RBMS3: variants seen among roughly 807,000 people sequenced by gnomAD.
RBMS3 encodes RNA binding motif single stranded interacting protein 3, also known as RNA-binding motif, single-stranded-interacting protein 3.
RBMS3 carries 27 observed loss-of-function variants against 66.8 expected under a neutral mutation model. That is an observed-to-expected ratio of 0.40 (90% CI 0.30 to 0.56). The LOEUF is 0.56. Among genes scored for constraint, RBMS3 ranks in the 20% least tolerant of loss-of-function variants. RBMS3 has a pLI of 0.40. For synonymous variants in RBMS3, 188 were observed against 183.0 expected (o/e 1.03, Z -0.22); for missense variants, 513 against 549.5 (o/e 0.93, Z 0.66).
chr3:29,283,572 T>G (rs984358044), intron 1 of RBMS3, among the ~76,000 whole-genome samples: 3 of 152,092 alleles, frequency 2.0e-5, no homozygotes, highest in East Asian at 1.9e-4. Flanking sequence ...TGGAGTTCTA[T>G]GTAGTTTAGT....
At chr3:29,749,591 G>T (rs2055080860) in intron 5 of RBMS3, among the ~76,000 whole-genome samples, 1 of 152,116 alleles carries the variant, frequency 6.6e-6, no homozygotes, top group Non-Finnish European at 1.5e-5. Context: ...ATACCTATAT[G>T]AATTGGGTAA....
intron 1 of RBMS3, among the ~76,000 whole-genome samples, chr3:29,323,081 A>G (rs2035103065): frequency 6.6e-6 from 1 of 152,166 alleles, no homozygotes; most frequent in African/African-American, 2.4e-5. Flanking sequence ...TGTTAATGTC[A>G]AGAGCAAATC....
intron 4 of RBMS3, 26 bp from the exon 5 acceptor site, chr3:29,739,694 C>A: frequency 6.4e-7 from 1 of 1,550,568 alleles, no homozygotes; most frequent in Non-Finnish European, 8.7e-7. Context: ...CAGAACTTAC[C>A]ATATTTGTTA....
At chr3:29,429,622 C>A (rs2041104003) in intron 1 of RBMS3, among the ~76,000 whole-genome samples, 1 of 152,156 alleles carries the variant, frequency 6.6e-6, no homozygotes, top group African/African-American at 2.4e-5. Context: ...TCATAGCAAC[C>A]CCTTGCCCTG....
chr3:29,656,085 T>A (rs2050317033), intron 4 of RBMS3, among the ~76,000 whole-genome samples: 1 of 152,184 alleles, frequency 6.6e-6, no homozygotes, highest in South Asian at 2.1e-4. Context: ...TTTTTTTAAT[T>A]AAAAAATTTA....
At chr3:29,742,743 G>A (rs1197944029) in intron 5 of RBMS3, among the ~76,000 whole-genome samples, 1 of 151,922 alleles carries the variant, frequency 6.6e-6, no homozygotes, top group Non-Finnish European at 1.5e-5. Flanking sequence ...CTTTTTCTTT[G>A]TTGGATGGAT....
intron 2 of RBMS3, among the ~76,000 whole-genome samples, chr3:29,447,794 T>C (rs1559369256): frequency 6.6e-6 from 1 of 152,204 alleles, no homozygotes; most frequent in African/African-American, 2.4e-5. Flanking sequence ...AATATACTTC[T>C]AATGTCCTTT....
chr3:29,799,156 A>G (rs894014940), intron 6 of RBMS3, among the ~76,000 whole-genome samples: 1 of 152,170 alleles, frequency 6.6e-6, no homozygotes, highest in Non-Finnish European at 1.5e-5. Flanking sequence ...ACCTAATGCT[A>G]AACTAAGCTA....
At chr3:29,353,347 A>T (rs1294536424) in intron 1 of RBMS3, among the ~76,000 whole-genome samples, 1 of 152,030 alleles carries the variant, frequency 6.6e-6, no homozygotes. Flanking sequence ...AATAAACCAG[A>T]TATTTTTATT....
chr3:29,768,287 A>T (rs1408280514), intron 6 of RBMS3, among the ~76,000 whole-genome samples: 1 of 151,936 alleles, frequency 6.6e-6, no homozygotes, highest in African/African-American at 2.4e-5. Context: ...TGTGAGTCCT[A>T]TGGAATTTGA....
At chr3:29,290,254 T>C (rs952007996) in intron 1 of RBMS3, among the ~76,000 whole-genome samples, 2 of 151,780 alleles carry the variant, frequency 1.3e-5, no homozygotes, top group Non-Finnish European at 2.9e-5. Context: ...TTTTAACTAG[T>C]TTTGAGTAGG....
intron 12 of RBMS3, among the ~76,000 whole-genome samples, chr3:29,958,531 CTTGGCTAG>C (rs1480659112): frequency 6.6e-6 from 1 of 152,044 alleles, no homozygotes; most frequent in Non-Finnish European, 1.5e-5. Context: ...TGCCCTCGAA[CTTGGCTAG>C]TTGAGGCAAA....
chr3:29,880,695 G>GAA, intron 7 of RBMS3: 2 of 1,286,980 alleles, frequency 1.6e-6, no homozygotes, highest in Non-Finnish European at 2.2e-6. Context: ...ACAACCCTTT[G>GAA]CTTAACCCAT....
At chr3:29,619,139 C>T (rs80355269) in intron 4 of RBMS3, among the ~76,000 whole-genome samples, 11,463 of 151,708 alleles carry the variant, frequency 0.076, 482 homozygotes, top group Non-Finnish European at 0.085. Flanking sequence ...GAACAACACA[C>T]GCCAGGGCCT....
At chr3:29,837,398 T>C (rs2058539968) in intron 6 of RBMS3, among the ~76,000 whole-genome samples, 1 of 151,790 alleles carries the variant, frequency 6.6e-6, no homozygotes, top group Non-Finnish European at 1.5e-5. Context: ...ACTTTAGTTA[T>C]AATTGTTATA....
At chr3:29,627,790 G>T (rs149017820) in intron 4 of RBMS3, among the ~76,000 whole-genome samples, 44 of 152,264 alleles carry the variant, frequency 2.9e-4, no homozygotes, top group African/African-American at 1.1e-3. Flanking sequence ...AGAAGAGAGG[G>T]AGAGAAGGAG....
chr3:29,425,204 C>CAAAA (rs2040900490), intron 1 of RBMS3, among the ~76,000 whole-genome samples: 1 of 123,822 alleles, frequency 8.1e-6, no homozygotes, highest in African/African-American at 3.0e-5. Flanking sequence ...AAAAAAAACC[C>CAAAA]CCCAAAAAAA....
intron 3 of RBMS3, among the ~76,000 whole-genome samples, chr3:29,523,826 T>C (rs773623): frequency 0.68 from 103,088 of 151,954 alleles, 35,753 homozygotes; most frequent in African/African-American, 0.83. Flanking sequence ...CCTCTACCTG[T>C]CCAGCTCAAG....
intron 10 of RBMS3, among the ~76,000 whole-genome samples, chr3:29,931,542 A>T (rs2061125089): frequency 6.6e-6 from 1 of 152,192 alleles, no homozygotes; most frequent in Non-Finnish European, 1.5e-5. Context: ...GTAGATAAGG[A>T]TTAATGATTG....
Sources: gnomAD v4.1 joint callset for allele counts (sites outside exome capture counted in the v4.1 genomes callset) on GRCh38, gnomAD v4.1.1 for gene constraint, MANE v1.5 for transcripts, NCBI Gene and HGNC (gene_info 2026-07-23, HGNC 2026-07-21) for gene names.